The following HS3ST4 variants were observed in gnomAD, a reference collection of about 807,000 sequenced individuals.
HS3ST4 encodes heparan sulfate-glucosamine 3-sulfotransferase 4.
In HS3ST4, 17 loss-of-function variants were observed where a neutral mutation model predicts 29.2. The observed-to-expected ratio is 0.58, with a 90% CI of 0.40 to 0.87. HS3ST4 has a LOEUF of 0.87. Among genes scored for constraint, HS3ST4 ranks in the 40% least tolerant of loss-of-function variants. HS3ST4 has a pLI of 0.00. For missense variants in HS3ST4, 627 were observed against 634.5 expected, an observed-to-expected ratio of 0.99 and a Z score of 0.13; for synonymous variants, 314 against 285.7, an observed-to-expected ratio of 1.10 and a Z score of -1.00.
At chr16:25,865,505 G>A (rs1476094344) in intron 1 of HS3ST4, among the ~76,000 whole-genome samples, 1 of 152,042 alleles carries the variant, frequency 6.6e-6, no homozygotes, top group Admixed American at 6.5e-5. Context: ...TTAAAAATCA[G>A]GTTGTTTTCC....
intron 1 of HS3ST4, among the ~76,000 whole-genome samples, chr16:25,980,303 C>A (rs1009289139): frequency 3.3e-5 from 5 of 152,332 alleles, no homozygotes; most frequent in Admixed American, 3.3e-4. Context: ...CACACCTGTT[C>A]CCTATCATTC....
At chr16:26,033,201 C>T (rs981365212) in intron 1 of HS3ST4, among the ~76,000 whole-genome samples, 8 of 151,722 alleles carry the variant, frequency 5.3e-5, no homozygotes, top group Non-Finnish European at 8.8e-5. Flanking sequence ...CAACATAGCA[C>T]AGTTCCCATT....
chr16:25,912,150 G>A (rs1354040341), intron 1 of HS3ST4, among the ~76,000 whole-genome samples: 1 of 152,120 alleles, frequency 6.6e-6, no homozygotes, highest in Non-Finnish European at 1.5e-5. Flanking sequence ...AGGGGCAGAA[G>A]TGTGTGTAGA....
At chr16:25,812,377 G>A (rs924605571) in intron 1 of HS3ST4, among the ~76,000 whole-genome samples, 10 of 152,160 alleles carry the variant, frequency 6.6e-5, no homozygotes, top group African/African-American at 1.9e-4. Flanking sequence ...AACACTGTAC[G>A]TGTCCTTCCT....
intron 1 of HS3ST4, among the ~76,000 whole-genome samples, chr16:25,828,242 C>CTATCTTTCTTTCTTTCTT (rs1371928058): frequency 1.3e-5 from 1 of 75,016 alleles, no homozygotes; most frequent in Non-Finnish European, 2.5e-5. Context: ...TTCTTTCTTT[C>CTATCTTTCTTTCTTTCTT]TCTTTCTTTC....
intron 1 of HS3ST4, among the ~76,000 whole-genome samples, chr16:25,724,657 C>T (rs1199747187): frequency 2.6e-5 from 4 of 151,980 alleles, no homozygotes; most frequent in Non-Finnish European, 4.4e-5. Flanking sequence ...CCACTGCGCT[C>T]GGCCCCCTCA....
intron 1 of HS3ST4, among the ~76,000 whole-genome samples, chr16:25,795,077 T>G (rs1396895396): frequency 6.6e-6 from 1 of 151,906 alleles, no homozygotes; most frequent in Non-Finnish European, 1.5e-5. Context: ...GTTCAAGTGA[T>G]TCTTCTGCCT....
chr16:26,065,198 C>A (rs1428334430), intron 1 of HS3ST4, among the ~76,000 whole-genome samples: 1 of 152,170 alleles, frequency 6.6e-6, no homozygotes, highest in Non-Finnish European at 1.5e-5. Flanking sequence ...GCACTATTCA[C>A]AATAGCAAAG....
chr16:25,804,344 G>A (rs12930392), intron 1 of HS3ST4, among the ~76,000 whole-genome samples: 34,016 of 151,956 alleles, frequency 0.22, 4,076 homozygotes, highest in East Asian at 0.33. Context: ...TTTGCTCAAC[G>A]AGGTGATGAA....
intron 1 of HS3ST4, among the ~76,000 whole-genome samples, chr16:25,713,417 A>G (rs1236523756): frequency 6.6e-6 from 1 of 152,120 alleles, no homozygotes. Flanking sequence ...GGTCCCAGCT[A>G]CTAGGGAGGC....
intron 1 of HS3ST4, chr16:26,062,885 G>A (rs1596667897): frequency 3.9e-6 from 1 of 253,320 alleles, no homozygotes; most frequent in South Asian, 5.5e-5. Flanking sequence ...TGGCACCAAA[G>A]TTGGAGAAGA....
At position 25,839,124 on chromosome 16, in the gene HS3ST4, T is replaced by C. The variant is rs1301260696; in HGVS notation, c.734+145973T>C. ...TATCTGACATGTGTAAATCCAGGAC[T>C]CTGTATATATCCTCCTTGGTATTGA... is the stretch of plus-strand genomic sequence containing the variant. On this transcript the variant is annotated intron_variant, in intron 1 of 1. Coordinates refer to ENST00000331351, the MANE Select transcript of HS3ST4 (RefSeq NM_006040.3). Among the ~76,000 whole-genome samples the C allele has an allele frequency of 3.3e-5, 5 of 152,214 alleles. No homozygotes were observed. In the East Asian group the frequency reaches 9.6e-4, roughly 29 times the overall value.
chr16:25,975,182 A>G (rs1020225361), intron 1 of HS3ST4, among the ~76,000 whole-genome samples: 7 of 152,038 alleles, frequency 4.6e-5, no homozygotes, highest in African/African-American at 1.7e-4. Flanking sequence ...ATGCAAATTC[A>G]TGCAGAAACA....
chr16:25,893,452 C>T (rs7195629), intron 1 of HS3ST4, among the ~76,000 whole-genome samples: 123,169 of 152,144 alleles, frequency 0.81, 49,999 homozygotes, highest in East Asian at 0.89. Context: ...ACATTCAAAT[C>T]TGTGGACCAG....
chr16:26,094,017 A>C (rs1451863030), intron 1 of HS3ST4, among the ~76,000 whole-genome samples: 1 of 152,192 alleles, frequency 6.6e-6, no homozygotes, highest in Non-Finnish European at 1.5e-5. Flanking sequence ...GGTATCAGTG[A>C]CTGAAGATCA....
At chr16:26,110,100 G>T (rs1316458275) in intron 1 of HS3ST4, among the ~76,000 whole-genome samples, 1 of 151,964 alleles carries the variant, frequency 6.6e-6, no homozygotes, top group Non-Finnish European at 1.5e-5. Flanking sequence ...CTGCTTCTAG[G>T]AATTCAGTTT....
At chr16:25,933,433 T>G (rs11647484) in intron 1 of HS3ST4, 40,612 of 510,536 alleles carry the variant, frequency 0.08, 2,071 homozygotes, top group South Asian at 0.14. Flanking sequence ...AAGTGAAGTT[T>G]AGCACTGCTG....
intron 1 of HS3ST4, among the ~76,000 whole-genome samples, chr16:26,125,730 C>G (rs1899334190): frequency 6.6e-6 from 1 of 152,228 alleles, no homozygotes. Flanking sequence ...CATCCACTCC[C>G]TCCTAAAATC....
intron 1 of HS3ST4, among the ~76,000 whole-genome samples, chr16:25,804,518 T>C (rs1966971286): frequency 6.6e-6 from 1 of 152,230 alleles, no homozygotes; most frequent in Admixed American, 6.5e-5. Context: ...CTGTGTTTTC[T>C]ATGATTTCCT....
Sources: gnomAD v4.1 joint callset for allele counts (sites outside exome capture counted in the v4.1 genomes callset) on GRCh38, gnomAD v4.1.1 for gene constraint, MANE v1.5 for transcripts, NCBI Gene and HGNC (gene_info 2026-07-23, HGNC 2026-07-21) for gene names.